The following WDR59 variants were observed in gnomAD, a reference collection of about 807,000 sequenced individuals.
WDR59 encodes WD repeat domain 59, also known as GATOR2 complex protein WDR59.
Under a neutral mutation model 131.2 loss-of-function variants are expected in WDR59, and 100 were observed. The observed-to-expected ratio is 0.76, with a 90% CI of 0.65 to 0.90. The LOEUF is 0.90. Among genes scored for constraint, WDR59 ranks in the 40% least tolerant of loss-of-function variants. The pLI is 0.00. For missense variants in WDR59, 1,203 were observed against 1,262.2 expected (o/e 0.95, Z 0.71); for synonymous variants, 601 against 466.2 (o/e 1.29, Z -3.72).
intron 17 of WDR59, among the ~76,000 whole-genome samples, chr16:74,905,332 G>T (rs367547399): frequency 3.3e-5 from 5 of 150,292 alleles, no homozygotes; most frequent in African/African-American, 9.8e-5. Context: ...CTGAGATTGC[G>T]CCATTGCACT....
intron 10 of WDR59, 130 bp from the exon 11 acceptor site, chr16:74,918,138 A>T: frequency 1.2e-6 from 1 of 813,132 alleles, no homozygotes; most frequent in Non-Finnish European, 2.0e-6. Flanking sequence ...TATGCCAGGC[A>T]CTATTCTAGG....
At chr16:74,961,409 A>G (rs912617556) in intron 2 of WDR59, among the ~76,000 whole-genome samples, 1 of 152,200 alleles carries the variant, frequency 6.6e-6, no homozygotes, top group Non-Finnish European at 1.5e-5. Context: ...TTACATTCCC[A>G]TCAACAGTGT....
intron 1 of WDR59, among the ~76,000 whole-genome samples, chr16:74,979,398 G>A (rs571104790): frequency 2.6e-5 from 4 of 151,712 alleles, no homozygotes; most frequent in East Asian, 2.0e-4. Flanking sequence ...CCCGGGAGGC[G>A]GAGCTTACAG....
rs978351950 is a variant in WDR59, at chr16:74,912,308, C to T, written c.1279G>A (p.Val427Ile). The T allele has an allele frequency of 1.2e-6, 2 of 1,614,172 alleles. No homozygotes were observed. The highest frequency in any genetic ancestry group is 1.7e-6 in the Non-Finnish European group (2 of 1,180,042). ...TVSVHCSNHRVKMLVKFPAQY... is the reference protein window; with the variant it reads ...TVSVHCSNHRIKMLVKFPAQY... The stretch of plus-strand genomic sequence containing the variant: ...GCAGGGAACTTCACCAGCATCTTGA[C>T]ACGATGGTTGCTGCAGTGCACAGAC... The change falls in exon 14 of 26, where the codon GTC becomes ATC. Residue 427 changes from valine to isoleucine, a missense_variant. Physicochemically the swap from Val to Ile is conservative, Grantham distance 29. Coordinates refer to ENST00000262144, the MANE Select transcript of WDR59 (RefSeq NM_030581.4).
intron 8 of WDR59, among the ~76,000 whole-genome samples, chr16:74,936,728 A>C (rs1375731119): frequency 6.6e-6 from 1 of 152,168 alleles, no homozygotes; most frequent in Non-Finnish European, 1.5e-5. Flanking sequence ...CAGGAGGCTG[A>C]GGCAGGAGAA....
rs1567676780 is a variant in WDR59 at position 74,874,007 on chromosome 16, C to T, written c.*202G>A. On this transcript the variant is annotated 3_prime_UTR_variant, in exon 26 of 26. Coordinates refer to ENST00000262144, the MANE Select transcript of WDR59 (RefSeq NM_030581.4). ...CTCTGCACTTCTGTCCTTATCTTCA[C>T]ACAGTGACATCCACACCAGGTGGCC... 1.0e-5 allele frequency: 6 copies of T among 586,502 alleles called. No homozygotes were observed. In the East Asian group the frequency reaches 1.7e-4, roughly 17 times the overall value. The allele number at this position is 586,502 out of a possible 1,614,324, so 36.3% of individuals were successfully genotyped here. A position where few individuals can be genotyped will look rare whatever the true frequency, so the allele number is the denominator to read the frequency against.
At chr16:74,972,821 T>TAAAAAA (rs57885889) in intron 1 of WDR59, among the ~76,000 whole-genome samples, 6 of 55,064 alleles carry the variant, frequency 1.1e-4, no homozygotes, top group Non-Finnish European at 1.9e-4. Context: ...GACTCTGTCT[T>TAAAAAA]AAAAAAAAAA....
rs546386983 is a variant in WDR59, at chr16:74,952,961, T to C, written c.241-1418A>G. 3.9e-4 allele frequency among the ~76,000 whole-genome samples: 59 copies of C among 152,218 alleles called. 1 individual carries two copies. The South Asian group carries it at 7.5e-3, about 19-fold the overall frequency. The stretch of plus-strand genomic sequence containing the variant: ...TGAAAAGAAAAGTTCCCTCTTCTAA[T>C]AATATTCCCTGCCATTTCTGGAGGG... On this transcript the variant is annotated intron_variant, in intron 3 of 25. Coordinates refer to ENST00000262144, the MANE Select transcript of WDR59 (RefSeq NM_030581.4).
intron 6 of WDR59, among the ~76,000 whole-genome samples, chr16:74,948,315 C>G (rs971704938): frequency 2.6e-5 from 4 of 152,214 alleles, no homozygotes; most frequent in African/African-American, 7.2e-5. Flanking sequence ...CCCAACAGTC[C>G]TAACTGTGGC....
Position 74,909,834 on chromosome 16 carries a change from A to C in WDR59, c.1473T>G (p.Leu491=), listed in dbSNP as rs1487158267. ...TCATGCTTCCCACCACAAAGGACTC[A>C]AGGCAGGAGACGAGCTGGCGCAGGC... ...EPCLRQLVSC[L]ESFVNQEDSA... is the part of the protein sequence containing the mutation. The change falls in exon 15 of 26, where the codon CTT becomes CTG. Residue 491 remains leucine (L), a synonymous_variant. Transcript: ENST00000262144. 6.2e-6 allele frequency: 10 copies of C among 1,612,332 alleles called. No individual in the cohort carries two copies. The highest frequency in any genetic ancestry group is 1.7e-5 in the Admixed American group (1 of 59,938).
At chr16:74,893,837 C>T in intron 18 of WDR59, 25 bp from the exon 19 acceptor site, 1 of 1,610,468 alleles carries the variant, frequency 6.2e-7, no homozygotes, top group Non-Finnish European at 8.5e-7. Context: ...CAGGATGTAA[C>T]TAATGGGGAC....
At chr16:74,909,318 C>A (rs56094665) in intron 16 of WDR59, among the ~76,000 whole-genome samples, 183 bp downstream of exon 16, 64,925 of 151,556 alleles carry the variant, frequency 0.43, 13,907 homozygotes, top group Middle Eastern at 0.49. Context: ...TCTGGTGCAC[C>A]CTCTTAGGAT....
intron 3 of WDR59, among the ~76,000 whole-genome samples, chr16:74,956,096 A>G (rs8046496): frequency 0.014 from 2,080 of 152,212 alleles, 46 homozygotes; most frequent in African/African-American, 0.046. Context: ...AAAGCAATGA[A>G]GGTCAACTCC....
chr16:74,889,397 T>A (rs1354511015), intron 21 of WDR59, among the ~76,000 whole-genome samples: 1 of 152,170 alleles, frequency 6.6e-6, no homozygotes, highest in Non-Finnish European at 1.5e-5. Context: ...AAACTTACCA[T>A]CTCATGAGCT....
chr16:74,919,145 C>CCCGA, intron 10 of WDR59, among the ~76,000 whole-genome samples: 1 of 152,068 alleles, frequency 6.6e-6, no homozygotes, highest in Non-Finnish European at 1.5e-5. Context: ...CCTTTGCTTC[C>CCCGA]CCGACTCCCT....
intron 8 of WDR59, among the ~76,000 whole-genome samples, chr16:74,934,416 A>G (rs941494897): frequency 2.6e-5 from 4 of 152,212 alleles, no homozygotes; most frequent in African/African-American, 9.6e-5. Context: ...TGGAGATTTG[A>G]TAATATCCTC....
intron 3 of WDR59, among the ~76,000 whole-genome samples, chr16:74,954,484 TA>T (rs768609554): frequency 2.8e-4 from 42 of 152,250 alleles, no homozygotes; most frequent in South Asian, 8.3e-4. Context: ...ATAATTTTTT[TA>T]AAAATACAAA....
At chr16:74,914,630 G>C (rs1966271508) in intron 13 of WDR59, among the ~76,000 whole-genome samples, 1 of 146,510 alleles carries the variant, frequency 6.8e-6, no homozygotes, top group Non-Finnish European at 1.5e-5. Flanking sequence ...GTCTTGCTCT[G>C]TCGCCAGGCT....
At chr16:74,960,246 G>A (rs2033497941) in intron 2 of WDR59, among the ~76,000 whole-genome samples, 1 of 151,672 alleles carries the variant, frequency 6.6e-6, no homozygotes, top group Non-Finnish European at 1.5e-5. Flanking sequence ...CAGCAGAATT[G>A]CTTGAACCCA....
Sources: allele counts gnomAD v4.1 joint callset (sites outside exome capture counted in the v4.1 genomes callset), GRCh38; gene constraint gnomAD v4.1.1; transcripts MANE v1.5; gene names NCBI Gene and HGNC (gene_info 2026-07-23, HGNC 2026-07-21).